Variants in NPAS3 observed in about 807,000 individuals in gnomAD.
The protein encoded by NPAS3 is neuronal PAS domain protein 3, also known as neuronal PAS domain-containing protein 3.
NPAS3 carries 14 observed loss-of-function variants against 73.1 expected under a neutral mutation model. The ratio of observed to expected loss-of-function variants is 0.19; its 90% CI spans 0.13 to 0.30. The LOEUF (loss-of-function observed/expected upper bound fraction) is 0.30, where lower values mean the gene tolerates loss of function less well. Ranked by LOEUF, NPAS3 falls within the 10% of genes least tolerant of loss-of-function variation. The pLI is 1.00. For missense variants in NPAS3, 1,096 were observed against 1,250.0 expected (o/e 0.88, Z 1.86); for synonymous variants, 620 against 541.5 (o/e 1.14, Z -2.01).
chr14:33,076,402 C>G (rs1359162629), intron 2 of NPAS3, among the ~76,000 whole-genome samples: 1 of 152,136 alleles, frequency 6.6e-6, no homozygotes, highest in Non-Finnish European at 1.5e-5. Flanking sequence ...AGATTGCAAT[C>G]ATTTATTAGG....
chr14:33,319,904 A>T lies in NPAS3; in HGVS notation c.386-47282A>T, dbSNP rs549930581. Among the ~76,000 whole-genome samples the T allele has an allele frequency of 5.3e-5, 8 of 152,308 alleles. No individual in the cohort carries two copies. The South Asian group carries it at 6.2e-4, about 12-fold the overall frequency. ...TTTTTCATCCTTGTGTTACAAGTTC[A>T]TGGCACGTGGTAGGTATTCAAGAAA... On this transcript the variant is annotated intron_variant, in intron 3 of 11. Transcript: ENST00000356141.
chr14:33,359,475 T>A (rs1315133), intron 3 of NPAS3, among the ~76,000 whole-genome samples: 24,271 of 152,124 alleles, frequency 0.16, 2,264 homozygotes, highest in East Asian at 0.38. Context: ...AGTGGTAATC[T>A]CCACCCCCTT....
intron 3 of NPAS3, among the ~76,000 whole-genome samples, chr14:33,227,977 T>C (rs1215632391): frequency 6.6e-6 from 1 of 152,174 alleles, no homozygotes; most frequent in African/African-American, 2.4e-5. Context: ...TTTTTTTGCT[T>C]CAGTTTTCTT....
intron 2 of NPAS3, among the ~76,000 whole-genome samples, chr14:33,162,509 T>C (rs1022231310): frequency 6.6e-6 from 1 of 152,210 alleles, no homozygotes; most frequent in Admixed American, 6.5e-5. Context: ...ATACAATTTA[T>C]TAACAAATTA....
chr14:33,056,088 T>C (rs1441531287), intron 2 of NPAS3, 94 bp downstream of exon 2: 1 of 545,540 alleles, frequency 1.8e-6, no homozygotes, highest in Non-Finnish European at 3.2e-6. Context: ...TGAAACCTTC[T>C]TTTTATCTAA....
At chr14:33,084,233 T>G (rs2041950560) in intron 2 of NPAS3, among the ~76,000 whole-genome samples, 1 of 152,240 alleles carries the variant, frequency 6.6e-6, no homozygotes, top group Non-Finnish European at 1.5e-5. Flanking sequence ...GGCTAGTCCC[T>G]AATCACTTTT....
intron 3 of NPAS3, among the ~76,000 whole-genome samples, chr14:33,319,979 G>A (rs1386448957): frequency 6.6e-6 from 1 of 152,110 alleles, no homozygotes; most frequent in Non-Finnish European, 1.5e-5. Context: ...ATTCCTTATG[G>A]GAAGTATAAC....
intron 5 of NPAS3, among the ~76,000 whole-genome samples, chr14:33,594,805 A>G (rs1253322518): frequency 1.3e-5 from 2 of 152,304 alleles, no homozygotes; most frequent in Admixed American, 6.5e-5. Flanking sequence ...TTTTAATCAT[A>G]TTCTTCATCT....
chr14:33,129,806 A>G (rs1440000202), intron 2 of NPAS3, among the ~76,000 whole-genome samples: 2 of 152,128 alleles, frequency 1.3e-5, no homozygotes, highest in Non-Finnish European at 2.9e-5. Context: ...TTTGTTTGCT[A>G]TAATAATATA....
chr14:33,075,246 G>C (rs986205515), intron 2 of NPAS3, among the ~76,000 whole-genome samples: 2 of 152,036 alleles, frequency 1.3e-5, no homozygotes, highest in Admixed American at 1.3e-4. Context: ...TTTTCTTAGG[G>C]TCCCTCTATA....
intron 3 of NPAS3, among the ~76,000 whole-genome samples, chr14:33,297,805 GTGC>G (rs2042363958): frequency 1.3e-5 from 2 of 152,242 alleles, no homozygotes; most frequent in African/African-American, 4.8e-5. Context: ...TTGGAGCCTT[GTGC>G]TGCTGCCACC....
At chr14:33,189,214 A>T (rs987463994) in intron 2 of NPAS3, among the ~76,000 whole-genome samples, 6 of 152,204 alleles carry the variant, frequency 3.9e-5, no homozygotes, top group African/African-American at 1.4e-4. Flanking sequence ...TGGCAGCTGA[A>T]TGCAAAGGAT....
intron 1 of NPAS3, among the ~76,000 whole-genome samples, chr14:32,997,730 C>T (rs1426223868): frequency 4.7e-5 from 7 of 149,758 alleles, no homozygotes; most frequent in Non-Finnish European, 8.9e-5. Context: ...GGAGACCATC[C>T]TGGCTAACAC....
intron 3 of NPAS3, among the ~76,000 whole-genome samples, chr14:33,225,918 T>C (rs1390838705): frequency 6.6e-6 from 1 of 152,130 alleles, no homozygotes; most frequent in African/African-American, 2.4e-5. Context: ...GCAACAACAA[T>C]GAATGGCCAG....
chr14:32,979,325 T>C (rs1219599207), intron 1 of NPAS3, among the ~76,000 whole-genome samples: 1 of 152,188 alleles, frequency 6.6e-6, no homozygotes, highest in Non-Finnish European at 1.5e-5. Context: ...ACTTCACTGA[T>C]TGCTGTAAAA....
intron 3 of NPAS3, among the ~76,000 whole-genome samples, chr14:33,258,466 C>T (rs1414216387): frequency 6.6e-6 from 1 of 152,138 alleles, no homozygotes; most frequent in Admixed American, 6.5e-5. Flanking sequence ...GGAGTAGTAG[C>T]AATTTAAAGT....
At chr14:33,430,627 T>C (rs1194995920) in intron 4 of NPAS3, among the ~76,000 whole-genome samples, 1 of 152,170 alleles carries the variant, frequency 6.6e-6, no homozygotes, top group East Asian at 1.9e-4. Context: ...TTTGATATTA[T>C]TCTAGAGACA....
At chr14:33,751,109 G>A (rs1177672322) in intron 7 of NPAS3, among the ~76,000 whole-genome samples, 5 of 152,166 alleles carry the variant, frequency 3.3e-5, no homozygotes, top group Non-Finnish European at 7.4e-5. Flanking sequence ...GAGTAGGAAC[G>A]TTCATGTGGT....
chr14:33,596,512 G>C (rs1219241196), intron 5 of NPAS3, among the ~76,000 whole-genome samples: 1 of 152,204 alleles, frequency 6.6e-6, no homozygotes, highest in Non-Finnish European at 1.5e-5. Context: ...AATTGGTAAA[G>C]TAATTAACCT....
Sources: gnomAD v4.1 joint callset for allele counts (sites outside exome capture counted in the v4.1 genomes callset) on GRCh38, gnomAD v4.1.1 for gene constraint, MANE v1.5 for transcripts, NCBI Gene and HGNC (gene_info 2026-07-23, HGNC 2026-07-21) for gene names.